PPCDC: variants seen among roughly 807,000 people sequenced by gnomAD.
The protein encoded by PPCDC is phosphopantothenoylcysteine decarboxylase.
Under a neutral mutation model 20.7 loss-of-function variants are expected in PPCDC, and 20 were observed. That is an observed-to-expected ratio of 0.97 (90% CI 0.68 to 1.41). PPCDC has a LOEUF of 1.41. PPCDC is among the 40% of genes most tolerant of loss of function. The pLI is 0.00. For synonymous variants in PPCDC, 88 were observed against 100.3 expected (o/e 0.88, Z 0.73); for missense variants, 246 against 263.8 (o/e 0.93, Z 0.47).
intron 4 of PPCDC, among the ~76,000 whole-genome samples, chr15:75,045,910 A>T (rs942956166): frequency 6.2e-5 from 5 of 80,562 alleles, no homozygotes; most frequent in African/African-American, 1.8e-4. Context: ...TCTCTAGTTA[A>T]AAAAAAAAAA....
At chr15:75,035,428 T>C (rs1432206950) in intron 2 of PPCDC, among the ~76,000 whole-genome samples, 1 of 152,198 alleles carries the variant, frequency 6.6e-6, no homozygotes, top group Non-Finnish European at 1.5e-5. Flanking sequence ...CTGGCCACAC[T>C]AGGGGCCTGA....
intron 2 of PPCDC, among the ~76,000 whole-genome samples, chr15:75,036,816 T>G (rs1046954797): frequency 2.0e-5 from 3 of 152,074 alleles, no homozygotes; most frequent in African/African-American, 4.8e-5. Context: ...TTTTTATTTT[T>G]TTATTGATGG....
rs370138823 is a variant in PPCDC, at chr15:75,028,501, C to G, written c.135+48C>G. ...CATGGCAGCCTCCGGCATGGGAGGCCGGTGCTCCCGGGGATGGCCCATTGC... is the reference window on the plus strand; with the variant it reads ...CATGGCAGCCTCCGGCATGGGAGGCGGGTGCTCCCGGGGATGGCCCATTGC... On this transcript the variant is annotated intron_variant, in intron 2 of 5. Transcript: ENST00000342932. 4 of 1,609,512 alleles carry G rather than the reference C, an allele frequency of 2.5e-6. No individual in the cohort carries two copies. In the Admixed American group the frequency reaches 6.7e-5, roughly 27 times the overall value.
chr15:75,042,652 C>CAA (rs768744006), intron 2 of PPCDC, among the ~76,000 whole-genome samples: 1,134 of 89,746 alleles, frequency 0.013, 21 homozygotes, highest in African/African-American at 0.049. Context: ...GACTCCATCT[C>CAA]AAAAAAAAAA....
chr15:75,034,001 G>C (rs190860406), intron 2 of PPCDC, among the ~76,000 whole-genome samples: 95 of 152,354 alleles, frequency 6.2e-4, no homozygotes, highest in Middle Eastern at 3.4e-3. Context: ...GGGCAGATGA[G>C]AGCACGACTG....
chr15:75,036,078 G>C (rs970156869), intron 2 of PPCDC, among the ~76,000 whole-genome samples: 1 of 151,922 alleles, frequency 6.6e-6, no homozygotes, highest in African/African-American at 2.4e-5. Flanking sequence ...CTTTTTTAAT[G>C]CCCAGCGCTG....
chr15:75,036,280 T>C (rs1318958752), intron 2 of PPCDC, among the ~76,000 whole-genome samples: 1 of 152,196 alleles, frequency 6.6e-6, no homozygotes, highest in Non-Finnish European at 1.5e-5. Flanking sequence ...TTTTAATGTG[T>C]ACAGGGCCCA....
intron 4 of PPCDC, 93 bp downstream of exon 4, chr15:75,044,607 TG>T: frequency 2.7e-6 from 4 of 1,507,688 alleles, no homozygotes; most frequent in East Asian, 2.4e-5. Flanking sequence ...CCTGCTGCTG[TG>T]GGGCCCCGGT....
At chr15:75,048,465 C>G (rs1474001448) in intron 4 of PPCDC, 88 bp from the exon 5 acceptor site, 1 of 1,527,516 alleles carries the variant, frequency 6.5e-7, no homozygotes, top group Non-Finnish European at 8.8e-7. Context: ...AAGCCTACAG[C>G]TGGGCTGCTG....
In PPCDC at chr15:75,044,410, G is replaced by C; in HGVS notation, c.256G>C (p.Val86Leu). ...WEIWKSRSDP[V>L]LHIDLRRWAD... ...GATATGGAAGAGCCGCTCTGACCCA[G>C]TTCTGCACATTGACCTGCGGAGGTG... The change falls in exon 4 of 6, where the codon GTT becomes CTT. Residue 86 changes from valine (V) to leucine (L), a missense_variant. This residue lies in a region of PPCDC where 225 missense variants were observed against 222.6 expected (regional missense o/e 1.01). Transcript: ENST00000342932. 1 of 1,614,110 alleles carries C rather than the reference G, an allele frequency of 6.2e-7. No homozygotes were observed. The highest frequency in any genetic ancestry group is 8.5e-7 in the Non-Finnish European group (1 of 1,179,982).
At chr15:75,043,852 G>A (rs895647506) in intron 3 of PPCDC, 9 of 349,004 alleles carry the variant, frequency 2.6e-5, no homozygotes, top group African/African-American at 8.5e-5. Context: ...GGTTCCTGGC[G>A]TCAGGGCTGA....
intron 1 of PPCDC, among the ~76,000 whole-genome samples, chr15:75,024,910 CTT>C (rs71140130): frequency 6.1e-5 from 9 of 147,438 alleles, no homozygotes; most frequent in Admixed American, 6.8e-5. Context: ...TAGCTACACA[CTT>C]TTTTTTTTTT....
intron 2 of PPCDC, among the ~76,000 whole-genome samples, chr15:75,028,827 T>A (rs758153949): frequency 6.6e-6 from 1 of 152,172 alleles, no homozygotes; most frequent in Non-Finnish European, 1.5e-5. Flanking sequence ...TCCCCATCCC[T>A]GCTTTCATTC....
At chr15:75,044,164 A>G (rs974331239) in intron 3 of PPCDC, among the ~76,000 whole-genome samples, 15 of 151,854 alleles carry the variant, frequency 9.9e-5, no homozygotes, top group African/African-American at 1.5e-4. Context: ...CCATGAAGGG[A>G]ATAGCTCAGA....
rs1316091864 is a variant in PPCDC at position 75,028,438 on chromosome 15, T to G, written c.120T>G (p.Leu40=). 6.2e-7 allele frequency: 1 copy of G among 1,614,198 alleles called. No homozygotes were observed. Among genetic ancestry groups the G allele is most frequent in the Admixed American group, 1.7e-5 (1 of 60,028 alleles). The change falls in exon 2 of 6, where the codon CTT becomes CTG. Residue 40 remains leucine, a synonymous_variant. Transcript: ENST00000342932. The part of the protein sequence containing the change: ...ALKLPLLVSK[L]LDIPGLEVAV... ...AGTTGCCTCTTCTGGTGTCAAAGCTTTTGGACATTCCTGGGGTGAGTATCC... is the reference window on the plus strand; with the variant it reads ...AGTTGCCTCTTCTGGTGTCAAAGCTGTTGGACATTCCTGGGGTGAGTATCC...
chr15:75,048,918 C>G (rs1039937898), intron 5 of PPCDC, among the ~76,000 whole-genome samples, 197 bp downstream of exon 5: 1 of 152,188 alleles, frequency 6.6e-6, no homozygotes, highest in African/African-American at 2.4e-5. Context: ...TGTAAAGTAC[C>G]TGGTAGAGTC....
At chr15:75,039,887 C>T (rs1216780588) in intron 2 of PPCDC, among the ~76,000 whole-genome samples, 2 of 151,198 alleles carry the variant, frequency 1.3e-5, no homozygotes, top group African/African-American at 2.4e-5. Context: ...CAGGTTCAAG[C>T]GATTCTCCTG....
chr15:75,033,519 TTTTG>T lies in PPCDC; in HGVS notation c.135+5082_135+5085del, dbSNP rs946239407. On this transcript the variant is annotated intron_variant, in intron 2 of 5. Coordinates refer to ENST00000342932, the MANE Select transcript of PPCDC (RefSeq NM_021823.5). ...TGTGTATATTTGTGTGTGTGTGTTT[TTTTG>T]TTTGTTTGTTTGTTTTAAGTCAGTG... Among the ~76,000 whole-genome samples the T allele has an allele frequency of 1.2e-3, 178 of 152,264 alleles. 4 individuals carry two copies. Among genetic ancestry groups the T allele is most frequent in the Middle Eastern group, 3.4e-3 (1 of 294 alleles).
rs1458075311 is a variant in PPCDC at position 75,023,592 on chromosome 15, T to C, written c.-107T>C. On this transcript the variant is annotated 5_prime_UTR_variant, in exon 1 of 6. Coordinates refer to ENST00000342932, the MANE Select transcript of PPCDC (RefSeq NM_021823.5). Reference sequence around the variant, plus strand: ...CGGGAGAGCGGCAGAGATACCGCGATATTTGGGAGCGGCCCCGAGACGCGC... The same window carrying C: ...CGGGAGAGCGGCAGAGATACCGCGACATTTGGGAGCGGCCCCGAGACGCGC... 1 of 152,098 alleles carries C rather than the reference T, an allele frequency of 6.6e-6. No homozygotes were observed. Among genetic ancestry groups the C allele is most frequent in the African/African-American group, 2.4e-5 (1 of 41,374 alleles). The allele number at this position is 152,098 out of a possible 1,614,324, so 9.4% of individuals were successfully genotyped here.
Sources: gnomAD v4.1 joint callset for allele counts (sites outside exome capture counted in the v4.1 genomes callset) on GRCh38, gnomAD v4.1.1 for gene constraint, gnomAD v4.1.1 regional missense constraint, MANE v1.5 for transcripts, NCBI Gene and HGNC (gene_info 2026-07-23, HGNC 2026-07-21) for gene names.